The following SIPA1L3 variants were observed in gnomAD, a reference collection of about 807,000 sequenced individuals.
SIPA1L3 encodes the protein signal-induced proliferation-associated 1-like protein 3.
A neutral mutation model predicts 150.1 loss-of-function variants in SIPA1L3; 59 were observed. The observed-to-expected ratio is 0.39, with a 90% CI of 0.32 to 0.49. SIPA1L3 has a LOEUF of 0.49. Among genes scored for constraint, SIPA1L3 ranks in the 20% least tolerant of loss-of-function variants. The probability of loss-of-function intolerance (pLI) is 0.86; values close to 1 mark genes in which losing one functional copy is unlikely to be tolerated. For synonymous variants in SIPA1L3, 1,070 were observed against 1,077.6 expected, an observed-to-expected ratio of 0.99 and a Z score of 0.14; for missense variants, 2,211 against 2,489.5, an observed-to-expected ratio of 0.89 and a Z score of 2.38.
At chr19:38,116,540 A>G (rs1568558158) in intron 8 of SIPA1L3, among the ~76,000 whole-genome samples, 2 of 139,960 alleles carry the variant, frequency 1.4e-5, no homozygotes, top group Non-Finnish European at 3.0e-5. Context: ...AAAAAAAAAA[A>G]AGAAAGAAAG....
intron 4 of SIPA1L3, among the ~76,000 whole-genome samples, chr19:38,095,399 G>A (rs1970354624): frequency 6.6e-6 from 1 of 152,280 alleles, no homozygotes; most frequent in South Asian, 2.1e-4. Context: ...AACCTCCTAG[G>A]AAATGTTCTT....
chr19:38,004,437 C>T (rs932691203), intron 1 of SIPA1L3, among the ~76,000 whole-genome samples: 1 of 152,178 alleles, frequency 6.6e-6, no homozygotes, highest in Admixed American at 6.5e-5. Context: ...GGGCAGATGT[C>T]TGGGCTGGCT....
At chr19:38,170,073 G>A (rs1056549143) in intron 15 of SIPA1L3, among the ~76,000 whole-genome samples, 1 of 152,066 alleles carries the variant, frequency 6.6e-6, no homozygotes, top group African/African-American at 2.4e-5. Context: ...GTACAGGGAT[G>A]TGAGAGCCCA....
chr19:38,088,943 C>T (rs1970201817), intron 4 of SIPA1L3, 92 bp downstream of exon 4: 1 of 1,417,908 alleles, frequency 7.1e-7, no homozygotes, highest in African/African-American at 1.4e-5. Flanking sequence ...CCAGCTTCAT[C>T]TCATGGAATC....
At chr19:38,204,081 C>T in intron 20 of SIPA1L3, 46 bp from the exon 21 acceptor site, 1 of 1,495,974 alleles carries the variant, frequency 6.7e-7, no homozygotes, top group Non-Finnish European at 9.1e-7. Flanking sequence ...AAGCCTTCCC[C>T]AGGGGCTTTA....
intron 16 of SIPA1L3, among the ~76,000 whole-genome samples, chr19:38,188,763 A>G (rs981081687): frequency 2.0e-5 from 3 of 151,914 alleles, no homozygotes; most frequent in South Asian, 2.1e-4. Context: ...TCTACTAAAA[A>G]TTAAAAAAAA....
intron 2 of SIPA1L3, among the ~76,000 whole-genome samples, chr19:38,032,453 T>G (rs1968673794): frequency 6.6e-6 from 1 of 152,218 alleles, no homozygotes; most frequent in Non-Finnish European, 1.5e-5. Context: ...ACTATCTGCT[T>G]CTAGGCACTA....
At chr19:38,200,466 T>C (rs1973062810) in intron 19 of SIPA1L3, 1 of 152,170 alleles carries the variant, frequency 6.6e-6, no homozygotes. Flanking sequence ...TGCTGATCAG[T>C]AATGGACTCG....
intron 13 of SIPA1L3, among the ~76,000 whole-genome samples, chr19:38,159,832 G>A (rs540509422): frequency 9.2e-5 from 14 of 152,142 alleles, no homozygotes; most frequent in Admixed American, 2.0e-4. Flanking sequence ...CAGAACACAC[G>A]CTTAATGGGA....
At chr19:38,101,266 G>A in intron 6 of SIPA1L3, 40 bp downstream of exon 6, 2 of 1,397,232 alleles carry the variant, frequency 1.4e-6, no homozygotes, top group Non-Finnish European at 1.9e-6. Context: ...AGCCACCACT[G>A]CACTCCTACT....
rs1451404687 is a variant in SIPA1L3 at position 38,164,565 on chromosome 19, C to T, written c.3867C>T (p.Asp1289=). The T allele has an allele frequency of 5.0e-6, 8 of 1,614,090 alleles. No homozygotes were observed. Among genetic ancestry groups the T allele is most frequent in the Non-Finnish European group, 6.8e-6 (8 of 1,179,970 alleles). ...GCCACAGCGACGACCGCTGGTTCGACCCCCTGGACCCCCTGGAGCCAGAGC... is the reference window on the plus strand; with the variant it reads ...GCCACAGCGACGACCGCTGGTTCGATCCCCTGGACCCCCTGGAGCCAGAGC... ...SSSHSDDRWF[D]PLDPLEPEQD... The change falls in exon 15 of 22, where the codon GAC becomes GAT. Residue 1289 remains aspartate (D), a synonymous_variant. Transcript: ENST00000222345. This position sits in a 1 kb window ranked among gnomAD's most constrained non-coding sequence, Gnocchi z 4.1.
At chr19:37,940,499 C>T (rs1250475143) in intron 1 of SIPA1L3, among the ~76,000 whole-genome samples, 1 of 152,104 alleles carries the variant, frequency 6.6e-6, no homozygotes, top group Non-Finnish European at 1.5e-5. Flanking sequence ...CTTACATCAT[C>T]TGGTATCCGC....
Position 37,953,073 on chromosome 19 carries a change from A to C in SIPA1L3, c.-379+45715A>C, listed in dbSNP as rs2046779044. 2.6e-5 allele frequency among the ~76,000 whole-genome samples: 4 copies of C among 151,880 alleles called. No homozygotes were observed. In the South Asian group the frequency reaches 8.3e-4, roughly 32 times the overall value. On this transcript the variant is annotated intron_variant, in intron 1 of 21. Coordinates refer to ENST00000222345, the MANE Select transcript of SIPA1L3 (RefSeq NM_015073.3). ...CCGTCTGTACTAAAAATACAAAAACAATTAGCCAGGCGTGGTGGCGGAGGC... is the reference window on the plus strand; with the variant it reads ...CCGTCTGTACTAAAAATACAAAAACCATTAGCCAGGCGTGGTGGCGGAGGC...
At chr19:37,955,417 T>C (rs2046802029) in intron 1 of SIPA1L3, among the ~76,000 whole-genome samples, 1 of 150,402 alleles carries the variant, frequency 6.6e-6, no homozygotes, top group Admixed American at 6.6e-5. Flanking sequence ...GAGTATGCAA[T>C]TCAGCTGTTT....
intron 1 of SIPA1L3, among the ~76,000 whole-genome samples, chr19:37,960,981 G>A (rs1045992689): frequency 3.3e-5 from 5 of 151,794 alleles, no homozygotes; most frequent in African/African-American, 1.2e-4. Context: ...GGATCCTCCC[G>A]CCTCATCCTC....
intron 1 of SIPA1L3, among the ~76,000 whole-genome samples, chr19:37,981,734 C>T (rs762165946): frequency 2.6e-5 from 4 of 152,274 alleles, no homozygotes; most frequent in East Asian, 3.9e-4. Flanking sequence ...GACACCTTCC[C>T]GCAAATCCTT....
At chr19:38,141,923 A>G (rs1971595456) in intron 11 of SIPA1L3, among the ~76,000 whole-genome samples, 1 of 152,262 alleles carries the variant, frequency 6.6e-6, no homozygotes, top group Admixed American at 6.5e-5. Context: ...TGGAGGCTGC[A>G]GTGAGCTGTG....
chr19:37,912,883 G>A (rs2046387831), intron 1 of SIPA1L3, among the ~76,000 whole-genome samples: 1 of 152,200 alleles, frequency 6.6e-6, no homozygotes, highest in African/African-American at 2.4e-5. Context: ...CTAAGGTGAG[G>A]GATCCAGCTG....
chr19:38,179,532 C>CGA (rs1972513946), intron 15 of SIPA1L3, among the ~76,000 whole-genome samples: 1 of 152,204 alleles, frequency 6.6e-6, no homozygotes, highest in African/African-American at 2.4e-5. Context: ...TAATGTGCGT[C>CGA]TATCACTGCA....
Sources: allele counts gnomAD v4.1 joint callset (sites outside exome capture counted in the v4.1 genomes callset), GRCh38; gene constraint gnomAD v4.1.1; non-coding constraint Gnocchi (gnomAD v3.1); transcripts MANE v1.5; gene names NCBI Gene and HGNC (gene_info 2026-07-23, HGNC 2026-07-21).